The following THAP12 variants were observed in gnomAD, a reference collection of about 807,000 sequenced individuals.
THAP12 encodes 52 kDa repressor of the inhibitor of the protein kinase.
Under a neutral mutation model 63.0 loss-of-function variants are expected in THAP12, and 20 were observed. The observed-to-expected ratio is 0.32, with a 90% CI of 0.22 to 0.46. The LOEUF is 0.46. Among genes scored for constraint, THAP12 ranks in the 20% least tolerant of loss-of-function variants. The probability of loss-of-function intolerance (pLI) is 1.00; values close to 1 mark genes in which losing one functional copy is unlikely to be tolerated. For synonymous variants in THAP12, 264 were observed against 328.4 expected, an observed-to-expected ratio of 0.80 and a Z score of 2.12; for missense variants, 568 against 908.2, an observed-to-expected ratio of 0.63 and a Z score of 4.81.
At chr11:76,373,604 C>A (rs1466113113) in intron 1 of THAP12, among the ~76,000 whole-genome samples, 1 of 151,822 alleles carries the variant, frequency 6.6e-6, no homozygotes, top group African/African-American at 2.4e-5. Context: ...CACCTATAGT[C>A]CCAGGTATTT....
chr11:76,374,804 C>A (rs1431484794), intron 1 of THAP12, among the ~76,000 whole-genome samples: 1 of 152,140 alleles, frequency 6.6e-6, no homozygotes, highest in Non-Finnish European at 1.5e-5. Context: ...GTCTGCATCC[C>A]CTCAAAATTC....
chr11:76,372,275 C>A (rs140990885), intron 1 of THAP12, among the ~76,000 whole-genome samples: 275 of 152,068 alleles, frequency 1.8e-3, no homozygotes, highest in African/African-American at 6.5e-3. Flanking sequence ...ACACCTTAAA[C>A]ACCTTCAGCA....
At chr11:76,370,845 T>A (rs868500649) in intron 1 of THAP12, among the ~76,000 whole-genome samples, 2,052 of 97,434 alleles carry the variant, frequency 0.021, 20 homozygotes, top group African/African-American at 0.026. Context: ...AAAAAAAAAA[T>A]ATATATATAT....
chr11:76,351,363 T>C lies in THAP12; in HGVS notation c.1787A>G (p.Glu596Gly), dbSNP rs1393998065. ...IIQELKDIFS[E>G]QHLKALKCLS... The stretch of plus-strand genomic sequence containing the variant: ...GCATTTAAGAGCTTTGAGGTGCTGT[T>C]CTGAGAATATATCTTTAAGTTCCTG... The change falls in exon 5 of 5, where the codon GAA becomes GGA. Residue 596 changes from glutamate (E) to glycine (G), a missense_variant. Coordinates refer to ENST00000260045, the MANE Select transcript of THAP12 (RefSeq NM_004705.4). 3 of 1,599,648 alleles carry C rather than the reference T, an allele frequency of 1.9e-6. No individual in the cohort carries two copies. Among genetic ancestry groups the C allele is most frequent in the Non-Finnish European group, 8.6e-7 (1 of 1,169,586 alleles).
chr11:76,376,959 C>A (rs983175607), intron 1 of THAP12, among the ~76,000 whole-genome samples: 1 of 152,126 alleles, frequency 6.6e-6, no homozygotes, highest in Non-Finnish European at 1.5e-5. Context: ...CATAATGGGG[C>A]AAGGCCAAGT....
At position 76,365,863 on chromosome 11, in the gene THAP12, T is replaced by C. The variant is rs760815885; in HGVS notation, c.199A>G (p.Ile67Val). The change falls in exon 2 of 5, where the codon ATC becomes GTC. Residue 67 changes from isoleucine to valine, a missense_variant. Transcript: ENST00000260045. ...CTTCTATTACTCACAGTTCTACAGA[T>C]CATAGAGGTCTCAAAATGTTTGGCA... ...LCAKHFETSM[I>V]CRTSPYRTVL... is the part of the protein sequence containing the mutation. 6.2e-7 allele frequency: 1 copy of C among 1,612,724 alleles called. No individual in the cohort carries two copies. The highest frequency in any genetic ancestry group is 8.5e-7 in the Non-Finnish European group (1 of 1,179,492).
chr11:76,377,026 G>A (rs1360153659), intron 1 of THAP12, among the ~76,000 whole-genome samples: 2 of 152,182 alleles, frequency 1.3e-5, no homozygotes, highest in African/African-American at 2.4e-5. Context: ...TGTACTGAGC[G>A]AGTTCTTTCC....
chr11:76,378,637 A>G (rs1946728049), intron 1 of THAP12, among the ~76,000 whole-genome samples: 1 of 149,722 alleles, frequency 6.7e-6, no homozygotes, highest in African/African-American at 2.5e-5. Flanking sequence ...CTTGAGACGG[A>G]GTCTTGTTCT....
chr11:76,364,372 A>C, intron 2 of THAP12: 1 of 435,580 alleles, frequency 2.3e-6, no homozygotes, highest in Non-Finnish European at 4.6e-6. Context: ...GCTTCAATTA[A>C]TTTTGAGAAA....
intron 4 of THAP12, among the ~76,000 whole-genome samples, chr11:76,353,891 C>T (rs937678842): frequency 6.6e-6 from 1 of 152,308 alleles, no homozygotes; most frequent in African/African-American, 2.4e-5. Context: ...TGCCTGTAGT[C>T]CCAGCTACTC....
chr11:76,370,658 T>C (rs1240123148), intron 1 of THAP12, among the ~76,000 whole-genome samples: 1 of 151,952 alleles, frequency 6.6e-6, no homozygotes, highest in African/African-American at 2.4e-5. Context: ...CCACCGCACG[T>C]AGCTCTTCTA....
Position 76,352,121 on chromosome 11 carries a change from A to C in THAP12, c.1029T>G (p.Val343=). 1 of 1,611,994 alleles carries C rather than the reference A, an allele frequency of 6.2e-7. No homozygotes were observed. Among genetic ancestry groups the C allele is most frequent in the East Asian group, 2.2e-5 (1 of 44,882 alleles). Residue 343 remains valine, a synonymous_variant, in exon 5 of 5, where the codon GTT becomes GTG. Coordinates refer to ENST00000260045, the MANE Select transcript of THAP12 (RefSeq NM_004705.4). ...SSGFSSKMKV[V]ASRLLEKYPQ... ...GATATTTCTCTAAAAGTCTAGAAGC[A>C]ACAACTTTCATTTTGGAAGAAAATC...
chr11:76,361,641 T>A (rs1361219015), intron 2 of THAP12, among the ~76,000 whole-genome samples: 4 of 152,206 alleles, frequency 2.6e-5, no homozygotes, highest in Admixed American at 6.5e-5. Context: ...ATTCTGGTAT[T>A]GAACTAGATC....
At chr11:76,357,587 A>G (rs998866657) in intron 3 of THAP12, 3 of 152,202 alleles carry the variant, frequency 2.0e-5, no homozygotes, top group African/African-American at 7.2e-5. Context: ...AAGGAACAAG[A>G]ATCAGGCTGG....
At chr11:76,366,477 C>T (rs1380325409) in intron 1 of THAP12, among the ~76,000 whole-genome samples, 2 of 152,172 alleles carry the variant, frequency 1.3e-5, no homozygotes, top group African/African-American at 2.4e-5. Flanking sequence ...GTCAGGAGAT[C>T]GAGACCATCC....
intron 3 of THAP12, chr11:76,358,901 C>T (rs1277666296): frequency 6.6e-6 from 1 of 152,114 alleles, no homozygotes; most frequent in Non-Finnish European, 1.5e-5. Flanking sequence ...AAACATTATA[C>T]TTAATGGGGC....
intron 1 of THAP12, 37 bp from the exon 2 acceptor site, chr11:76,366,009 C>T: frequency 6.2e-7 from 1 of 1,600,024 alleles, no homozygotes; most frequent in Non-Finnish European, 8.5e-7. Context: ...TGAAAATGAG[C>T]TCAGCATTTA....
intron 1 of THAP12, among the ~76,000 whole-genome samples, chr11:76,370,281 C>T (rs1182724011): frequency 2.6e-5 from 4 of 152,022 alleles, no homozygotes; most frequent in African/African-American, 7.2e-5. Flanking sequence ...TTAAAAATCC[C>T]GGTGAAATTT....
intron 2 of THAP12, chr11:76,364,265 C>T (rs1026555846): frequency 8.8e-6 from 2 of 227,704 alleles, no homozygotes; most frequent in Non-Finnish European, 1.8e-5. Flanking sequence ...ATCATTATTA[C>T]CCTTTTAACA....
Sources: gnomAD v4.1 joint callset for allele counts (sites outside exome capture counted in the v4.1 genomes callset) on GRCh38, gnomAD v4.1.1 for gene constraint, MANE v1.5 for transcripts, NCBI Gene and HGNC (gene_info 2026-07-23, HGNC 2026-07-21) for gene names.